The following RFX3 variants were observed in gnomAD, a reference collection of about 807,000 sequenced individuals.
The protein encoded by RFX3 is transcription factor RFX3.
Under a neutral mutation model 98.6 loss-of-function variants are expected in RFX3, and 14 were observed. The ratio of observed to expected loss-of-function variants is 0.14; its 90% CI spans 0.09 to 0.22. RFX3 has a LOEUF of 0.22. Among genes scored for constraint, RFX3 ranks in the 10% least tolerant of loss-of-function variants. The pLI is 1.00. For synonymous variants in RFX3, 383 were observed against 328.4 expected, an observed-to-expected ratio of 1.17 and a Z score of -1.80; for missense variants, 639 against 926.9, an observed-to-expected ratio of 0.69 and a Z score of 4.03.
chr9:3,465,292 G>T (rs989986128), intron 1 of RFX3, among the ~76,000 whole-genome samples: 1 of 151,448 alleles, frequency 6.6e-6, no homozygotes, highest in Non-Finnish European at 1.5e-5. Context: ...AACCTGTTTT[G>T]CTTTTTTTCT....
intron 13 of RFX3, among the ~76,000 whole-genome samples, chr9:3,259,771 TTTAA>T (rs760810031): frequency 2.0e-5 from 3 of 151,928 alleles, no homozygotes; most frequent in Non-Finnish European, 4.4e-5. Context: ...GAAAAGAAAA[TTTAA>T]TTAGAGGAGA....
chr9:3,280,732 C>T (rs1305498005), intron 7 of RFX3, among the ~76,000 whole-genome samples: 1 of 151,588 alleles, frequency 6.6e-6, no homozygotes, highest in Non-Finnish European at 1.5e-5. Flanking sequence ...CTAGGCTCAC[C>T]CTAGATCCAC....
At chr9:3,465,043 T>A (rs1848077926) in intron 1 of RFX3, among the ~76,000 whole-genome samples, 1 of 152,198 alleles carries the variant, frequency 6.6e-6, no homozygotes, top group East Asian at 1.9e-4. Context: ...TGTTCCTAAT[T>A]AAGGTATCTA....
chr9:3,406,231 G>A (rs536821001), intron 1 of RFX3, among the ~76,000 whole-genome samples: 1 of 151,830 alleles, frequency 6.6e-6, no homozygotes, highest in Non-Finnish European at 1.5e-5. Flanking sequence ...CCAAAATCCT[G>A]GGATTACAGA....
intron 14 of RFX3, among the ~76,000 whole-genome samples, chr9:3,249,397 C>G (rs1308631706): frequency 6.6e-6 from 1 of 151,996 alleles, no homozygotes; most frequent in Admixed American, 6.6e-5. Context: ...ATCATTTCCC[C>G]GAGATGTTTT....
intron 1 of RFX3, among the ~76,000 whole-genome samples, chr9:3,512,904 CTTT>C (rs1277327400): frequency 1.3e-5 from 2 of 152,016 alleles, no homozygotes; most frequent in Admixed American, 6.6e-5. Flanking sequence ...TCTTCCAACA[CTTT>C]TTTATCCTTC....
rs145207700 is a variant in RFX3, at chr9:3,437,804, A to T, written c.-8-42208T>A. On this transcript the variant is annotated intron_variant, in intron 1 of 16. Transcript: ENST00000617270. The stretch of plus-strand genomic sequence containing the variant: ...TGCGCTTACCTGCAGAAACCACAAG[A>T]CCTGAATGCCCTCTCTCCATGTCAG... Among the ~76,000 whole-genome samples, 309 of 152,048 alleles carry T rather than the reference A, an allele frequency of 2.0e-3. 1 individual carries two copies. Among genetic ancestry groups the T allele is most frequent in the Non-Finnish European group, 3.6e-3 (242 of 67,946 alleles).
chr9:3,252,821 CAATTAT>C (rs1306453530), intron 14 of RFX3, among the ~76,000 whole-genome samples: 4 of 152,100 alleles, frequency 2.6e-5, no homozygotes, highest in African/African-American at 9.7e-5. Context: ...TATTGATCCT[CAATTAT>C]AATACCTAGT....
At chr9:3,229,042 C>T (rs1237627264) in intron 15 of RFX3, among the ~76,000 whole-genome samples, 153 bp from the exon 16 acceptor site, 1 of 152,186 alleles carries the variant, frequency 6.6e-6, no homozygotes, top group African/African-American at 2.4e-5. Context: ...CATAATTTTC[C>T]AATCAAACTT....
In RFX3 at chr9:3,312,411, C is replaced by A. The variant is rs184888367; in HGVS notation, c.475-10791G>T. 2.5e-4 allele frequency among the ~76,000 whole-genome samples: 38 copies of A among 152,234 alleles called. No individual in the cohort carries two copies. The East Asian group carries it at 6.4e-3, about 26-fold the overall frequency. On this transcript the variant is annotated intron_variant, in intron 4 of 16. Transcript: ENST00000617270. ...GAGTGTTCCTTGAGCTCTGCAGACC[C>A]AGCAGATATATACAGAAACACCATC...
At chr9:3,496,489 A>G (rs777716140) in intron 1 of RFX3, among the ~76,000 whole-genome samples, 6 of 151,940 alleles carry the variant, frequency 3.9e-5, no homozygotes, top group Non-Finnish European at 1.5e-5. Context: ...TTCAGCTGCT[A>G]CCCTCTCCTG....
In RFX3 at chr9:3,266,250, G is replaced by A. The variant is rs776833145; in HGVS notation, c.1413C>T (p.Ser471=). The A allele has an allele frequency of 1.2e-6, 2 of 1,610,982 alleles. No homozygotes were observed. Among genetic ancestry groups the A allele is most frequent in the East Asian group, 2.2e-5 (1 of 44,684 alleles). Residue 471 remains serine, a synonymous_variant, in exon 12 of 17, where the codon TCC becomes TCT. Transcript: ENST00000617270. ...TCTGTGGAATATTGTTCATGGCATTGGAAAGCCAACCTTCAAGGCTTTTTG... is the reference window on the plus strand; with the variant it reads ...TCTGTGGAATATTGTTCATGGCATTAGAAAGCCAACCTTCAAGGCTTTTTG... ...NFAKSLEGWL[S]NAMNNIPQRM...
intron 1 of RFX3, among the ~76,000 whole-genome samples, chr9:3,463,816 TAA>T (rs570798019): frequency 6.6e-6 from 1 of 151,440 alleles, no homozygotes; most frequent in Non-Finnish European, 1.5e-5. Flanking sequence ...TACAAAAAGT[TAA>T]AAAAAATTAG....
intron 1 of RFX3, among the ~76,000 whole-genome samples, chr9:3,523,937 A>T (rs796455906): frequency 2.6e-5 from 4 of 152,190 alleles, no homozygotes; most frequent in African/African-American, 9.7e-5. Context: ...AAGTTTTTTT[A>T]AAATCCCAAC....
At chr9:3,268,883 T>C (rs1208559001) in intron 11 of RFX3, among the ~76,000 whole-genome samples, 2 of 151,958 alleles carry the variant, frequency 1.3e-5, no homozygotes, top group African/African-American at 2.4e-5. Context: ...CTTGCTGACA[T>C]CCCTTCTTTT....
At chr9:3,386,950 T>G (rs117966678) in intron 2 of RFX3, among the ~76,000 whole-genome samples, 1,609 of 152,304 alleles carry the variant, frequency 0.011, 13 homozygotes, top group Middle Eastern at 0.02. Flanking sequence ...TTCAACCTTC[T>G]GCAAAGAGGC....
intron 1 of RFX3, among the ~76,000 whole-genome samples, chr9:3,451,985 T>C (rs921236066): frequency 6.6e-6 from 1 of 152,212 alleles, no homozygotes; most frequent in Non-Finnish European, 1.5e-5. Flanking sequence ...TCATTTGTGC[T>C]GAAGTAGAAT....
chr9:3,445,902 G>C (rs1045237543), intron 1 of RFX3, among the ~76,000 whole-genome samples: 3 of 152,024 alleles, frequency 2.0e-5, no homozygotes, highest in Non-Finnish European at 4.4e-5. Flanking sequence ...TATCTTTCCA[G>C]GATCAGTTTA....
intron 1 of RFX3, among the ~76,000 whole-genome samples, chr9:3,477,006 T>C (rs1849325015): frequency 6.6e-6 from 1 of 152,196 alleles, no homozygotes; most frequent in South Asian, 2.1e-4. Flanking sequence ...GAGAAAATGA[T>C]GTAATACATA....
Sources: gnomAD v4.1 joint callset for allele counts (sites outside exome capture counted in the v4.1 genomes callset) on GRCh38, gnomAD v4.1.1 for gene constraint, MANE v1.5 for transcripts, NCBI Gene and HGNC (gene_info 2026-07-23, HGNC 2026-07-21) for gene names.